PAPSS1: variants seen among roughly 807,000 people sequenced by gnomAD.
The protein encoded by PAPSS1 is bifunctional 3'-phosphoadenosine 5'-phosphosulfate synthase 1.
In PAPSS1, 50 loss-of-function variants were observed where a neutral mutation model predicts 72.0. The observed-to-expected ratio is 0.69, with a 90% CI of 0.55 to 0.88. The LOEUF is 0.88. PAPSS1 is among the 40% of genes least tolerant of loss of function. The pLI is 0.00. For missense variants in PAPSS1, 657 were observed against 782.2 expected (o/e 0.84, Z 1.91); for synonymous variants, 261 against 263.6 (o/e 0.99, Z 0.09).
intron 2 of PAPSS1, among the ~76,000 whole-genome samples, chr4:107,696,534 G>A (rs182577897): frequency 1.2e-4 from 19 of 152,208 alleles, no homozygotes; most frequent in African/African-American, 3.9e-4. Flanking sequence ...TGGACATGGA[G>A]GGGAACAACA....
intron 1 of PAPSS1, among the ~76,000 whole-genome samples, chr4:107,705,463 C>T (rs1321499507): frequency 5.9e-5 from 9 of 152,290 alleles, no homozygotes; most frequent in Admixed American, 1.3e-4. Flanking sequence ...CTTCACCTTC[C>T]GCCATGATTA....
chr4:107,681,789 C>T (rs1722620657), intron 5 of PAPSS1, among the ~76,000 whole-genome samples: 1 of 152,146 alleles, frequency 6.6e-6, no homozygotes. Context: ...GACTCCTAAG[C>T]CTCCTGAGGT....
intron 3 of PAPSS1, among the ~76,000 whole-genome samples, chr4:107,690,859 T>C (rs1053386531): frequency 1.3e-5 from 2 of 152,086 alleles, no homozygotes; most frequent in South Asian, 4.2e-4. Context: ...TACCCAGGTG[T>C]CGGCTGATAG....
At position 107,682,003 on chromosome 4, in the gene PAPSS1, A is replaced by C; in HGVS notation, c.669+12T>G. On this transcript the variant is annotated intron_variant, in intron 5 of 11. Coordinates refer to ENST00000265174, the MANE Select transcript of PAPSS1 (RefSeq NM_005443.5). ...TTTTTCTCTGATGATTCCTTCTTTCATCCTCTCTTACCCGTTCCTGTAGAA... is the reference window on the plus strand; with the variant it reads ...TTTTTCTCTGATGATTCCTTCTTTCCTCCTCTCTTACCCGTTCCTGTAGAA... 7.7e-7 allele frequency: 1 copy of C among 1,298,834 alleles called. No homozygotes were observed. Among genetic ancestry groups the C allele is most frequent in the Non-Finnish European group, 1.1e-6 (1 of 916,906 alleles). The allele number at this position is 1,298,834 out of a possible 1,614,324, so 80.5% of individuals were successfully genotyped here.
chr4:107,718,477 C>T (rs113178450), intron 1 of PAPSS1: 23 of 152,206 alleles, frequency 1.5e-4, no homozygotes, highest in African/African-American at 5.3e-4. Flanking sequence ...TGAAATCCTC[C>T]ATAAACCCTC....
In PAPSS1 at chr4:107,720,232, G is replaced by C; in HGVS notation, c.-53C>G. 1 of 1,557,688 alleles carries C rather than the reference G, an allele frequency of 6.4e-7. No homozygotes were observed. Among genetic ancestry groups the C allele is most frequent in the Non-Finnish European group, 8.7e-7 (1 of 1,147,636 alleles). On this transcript the variant is annotated 5_prime_UTR_variant, in exon 1 of 12. Coordinates refer to ENST00000265174, the MANE Select transcript of PAPSS1 (RefSeq NM_005443.5). ...GTTCTCTGCGCCGGGAGGGTAGCAA[G>C]AGGAGGGCAGGCCAGCGAGCGGGGC...
intron 5 of PAPSS1, among the ~76,000 whole-genome samples, chr4:107,664,910 C>T (rs1202789303): frequency 6.6e-6 from 1 of 152,090 alleles, no homozygotes; most frequent in Non-Finnish European, 1.5e-5. Flanking sequence ...GTCAAAATAA[C>T]TTTTTCATTA....
At position 107,644,892 on chromosome 4, in the gene PAPSS1, A is replaced by G; in HGVS notation, c.1416T>C (p.His472=). Residue 472 remains histidine, a synonymous_variant, in exon 10 of 12, where the codon CAT becomes CAC. Coordinates refer to ENST00000265174, the MANE Select transcript of PAPSS1 (RefSeq NM_005443.5). ...GAACTCCTTCCTCCAACACTGCAGC[A>G]TGCTGCTTCATACGCCACATCAAAG... The part of the protein sequence containing the change: ...DVPLMWRMKQ[H]AAVLEEGVLN... 1 of 1,614,076 alleles carries G rather than the reference A, an allele frequency of 6.2e-7. No individual in the cohort carries two copies. The highest frequency in any genetic ancestry group is 8.5e-7 in the Non-Finnish European group (1 of 1,179,946).
chr4:107,671,574 C>T (rs1236045115), intron 5 of PAPSS1, among the ~76,000 whole-genome samples: 1 of 152,026 alleles, frequency 6.6e-6, no homozygotes, highest in Non-Finnish European at 1.5e-5. Flanking sequence ...TTATAAAACA[C>T]TTATGAATCA....
chr4:107,707,300 G>A (rs1723362349), intron 1 of PAPSS1, among the ~76,000 whole-genome samples: 2 of 152,218 alleles, frequency 1.3e-5, no homozygotes, highest in South Asian at 2.1e-4. Flanking sequence ...GTGACAGCCA[G>A]CCTGGTACTA....
In PAPSS1 at chr4:107,654,815, AG is replaced by A; in HGVS notation, c.980del (p.Ala327ValfsTer2). ...KERLDGCTAF[A>X]LMYEGRRVAI... ...CCACACGGCGGCCCTCATACATCAGAGCAAATGCTGTACAGCCGTCCAGCCT... is the reference window on the plus strand; with the variant it reads ...CCACACGGCGGCCCTCATACATCAGACAAATGCTGTACAGCCGTCCAGCCT... On this transcript the variant is annotated frameshift_variant, in exon 8 of 12. Transcript: ENST00000265174. LOFTEE classifies it high-confidence loss of function. 6.2e-7 allele frequency: 1 copy of A among 1,613,998 alleles called. No homozygotes were observed.
At chr4:107,631,594 G>A (rs1726225511) in intron 11 of PAPSS1, 37 bp downstream of exon 11, 9 of 1,442,186 alleles carry the variant, frequency 6.2e-6, no homozygotes, top group Non-Finnish European at 7.7e-6. Context: ...AGACCACGAA[G>A]TACTTCAAAG....
At position 107,660,069 on chromosome 4, in the gene PAPSS1, T is replaced by C. The variant is rs780204092; in HGVS notation, c.673A>G (p.Ile225Val). The change falls in exon 6 of 12, where the codon ATT (isoleucine) becomes GTT (valine). Residue 225 changes from isoleucine (I) to valine (V), a missense_variant. Transcript: ENST00000265174. ...QVVELLQERD[I>V]VPVDASYEVK... ...TCATAAGATGCATCCACAGGTACAA[T>C]ATCCTATATAACAACAGGAGTACAA... is the stretch of plus-strand genomic sequence containing the variant. 1.4e-6 allele frequency: 2 copies of C among 1,422,936 alleles called. No homozygotes were observed. The highest frequency in any genetic ancestry group is 1.2e-5 in the South Asian group (1 of 83,276). The allele number at this position is 1,422,936 out of a possible 1,614,324, so 88.1% of individuals were successfully genotyped here.
chr4:107,653,424 TG>T, intron 9 of PAPSS1, 66 bp downstream of exon 9: 1 of 1,490,412 alleles, frequency 6.7e-7, no homozygotes, highest in Non-Finnish European at 9.1e-7. Flanking sequence ...TCGTAAGCAC[TG>T]GAAAAAATCG....
intron 9 of PAPSS1, 140 bp from the exon 10 acceptor site, chr4:107,645,210 A>C: frequency 1.8e-6 from 1 of 545,510 alleles, no homozygotes; most frequent in Non-Finnish European, 3.1e-6. Flanking sequence ...ACTGGTAAAA[A>C]AAAAAAAAAA....
chr4:107,678,392 T>G (rs1211668963), intron 5 of PAPSS1, among the ~76,000 whole-genome samples: 2 of 151,552 alleles, frequency 1.3e-5, no homozygotes, highest in Non-Finnish European at 2.9e-5. Flanking sequence ...AAAGAGAGCA[T>G]CACCTAACAA....
At chr4:107,646,377 CTTTTT>C (rs1157533696) in intron 9 of PAPSS1, among the ~76,000 whole-genome samples, 1 of 142,546 alleles carries the variant, frequency 7.0e-6, no homozygotes, top group Admixed American at 7.0e-5. Context: ...GTTTTGTCCA[CTTTTT>C]TTTTTTTTGT....
At chr4:107,670,920 G>T (rs145145305) in intron 5 of PAPSS1, among the ~76,000 whole-genome samples, 32 of 152,310 alleles carry the variant, frequency 2.1e-4, no homozygotes, top group Admixed American at 1.8e-3. Flanking sequence ...GAAATGCTTA[G>T]ACTACACTTT....
At chr4:107,682,549 G>C (rs1271311032) in intron 4 of PAPSS1, among the ~76,000 whole-genome samples, 2 of 152,062 alleles carry the variant, frequency 1.3e-5, no homozygotes, top group Non-Finnish European at 2.9e-5. Flanking sequence ...TTGTCAAGTA[G>C]GCAAATTCAT....
Sources: gnomAD v4.1 joint callset for allele counts (sites outside exome capture counted in the v4.1 genomes callset) on GRCh38, gnomAD v4.1.1 for gene constraint, MANE v1.5 for transcripts, NCBI Gene and HGNC (gene_info 2026-07-23, HGNC 2026-07-21) for gene names.